Variants in SEMA3D observed in about 807,000 individuals in gnomAD.
SEMA3D encodes the protein semaphorin 3D, also known as semaphorin-3D.
SEMA3D carries 84 observed loss-of-function variants against 100.1 expected under a neutral mutation model. The observed-to-expected ratio is 0.84, with a 90% CI of 0.70 to 1.01. The LOEUF is 1.01. SEMA3D is among the 50% of genes least tolerant of loss of function. SEMA3D has a pLI of 0.00. For synonymous variants in SEMA3D, 312 were observed against 320.7 expected, an observed-to-expected ratio of 0.97 and a Z score of 0.29; for missense variants, 875 against 934.1, an observed-to-expected ratio of 0.94 and a Z score of 0.82.
At chr7:85,059,922 G>T (rs1791427248) in intron 8 of SEMA3D, among the ~76,000 whole-genome samples, 1 of 152,180 alleles carries the variant, frequency 6.6e-6, no homozygotes, top group South Asian at 2.1e-4. Flanking sequence ...TCATCCAAGT[G>T]TTGACAGGTA....
intron 3 of SEMA3D, among the ~76,000 whole-genome samples, chr7:85,120,359 C>G (rs1386456558): frequency 6.6e-6 from 1 of 151,928 alleles, no homozygotes; most frequent in East Asian, 1.9e-4. Context: ...GGAAGACATT[C>G]AAATACAGGT....
chr7:85,059,649 G>A (rs990388244), intron 8 of SEMA3D, among the ~76,000 whole-genome samples: 5 of 152,126 alleles, frequency 3.3e-5, no homozygotes, highest in African/African-American at 7.2e-5. Flanking sequence ...ATTCGAAACC[G>A]AAAAGCAGAA....
chr7:85,189,747 T>G (rs1791654260), upstream of SEMA3D, among the ~76,000 whole-genome samples: 1 of 152,176 alleles, frequency 6.6e-6, no homozygotes, highest in South Asian at 2.1e-4. Context: ...GCCTTGAGAA[T>G]CTAGGCTATT....
At chr7:85,168,995 T>C (rs903838920) in intron 1 of SEMA3D, among the ~76,000 whole-genome samples, 28 of 151,674 alleles carry the variant, frequency 1.8e-4, no homozygotes, top group Non-Finnish European at 3.1e-4. Flanking sequence ...AGACAATATC[T>C]CAGTTTGCTT....
chr7:85,043,882 T>A (rs552066438), intron 9 of SEMA3D, among the ~76,000 whole-genome samples: 4 of 152,228 alleles, frequency 2.6e-5, no homozygotes, highest in African/African-American at 9.6e-5. Context: ...CCTATTTTTT[T>A]TAATAAATTC....
chr7:85,145,899 T>C (rs1434160860), intron 2 of SEMA3D, among the ~76,000 whole-genome samples: 1 of 152,166 alleles, frequency 6.6e-6, no homozygotes, highest in African/African-American at 2.4e-5. Flanking sequence ...AAACTTTAAA[T>C]CATATCCAGA....
chr7:85,169,380 A>G (rs1397060844), intron 1 of SEMA3D, among the ~76,000 whole-genome samples: 1 of 151,860 alleles, frequency 6.6e-6, no homozygotes, highest in Non-Finnish European at 1.5e-5. Context: ...TCTGAACACT[A>G]ACAGGTTGTC....
the SEMA3D span, among the ~76,000 whole-genome samples, chr7:85,248,390 A>G: frequency 1.3e-5 from 2 of 152,206 alleles, no homozygotes; most frequent in Non-Finnish European, 2.9e-5. Context: ...GGAAATTGGC[A>G]TGATCACTTT....
intron 1 of SEMA3D, among the ~76,000 whole-genome samples, chr7:85,169,613 T>C (rs1025604839): frequency 1.3e-5 from 2 of 151,824 alleles, no homozygotes; most frequent in South Asian, 2.1e-4. Flanking sequence ...ATATCTTTGA[T>C]TGAGAAAAGG....
At chr7:85,098,382 C>A (rs570351441) in intron 3 of SEMA3D, among the ~76,000 whole-genome samples, 9 of 151,894 alleles carry the variant, frequency 5.9e-5, no homozygotes, top group Non-Finnish European at 8.8e-5. Context: ...CCTGTGTTCA[C>A]ATTCTTAAAT....
In SEMA3D at chr7:85,081,547, T is replaced by A; in HGVS notation, c.345A>T (p.Glu115Asp). Reference sequence around the variant, plus strand: ...CATCTTTCCCAGCTAATTTACATAATTCCACCCGTTCCTTTGCAGCAGGCC... The same window carrying A: ...CATCTTTCCCAGCTAATTTACATAAATCCACCCGTTCCTTTGCAGCAGGCC... ...IYWPAAKERV[E>D]LCKLAGKDAN... is the part of the protein sequence containing the mutation. Residue 115 changes from glutamate (E) to aspartate (D), a missense_variant, in exon 5 of 19, where the codon GAA (glutamate) becomes GAT (aspartate). Transcript: ENST00000284136. 1 of 1,612,156 alleles carries A rather than the reference T, an allele frequency of 6.2e-7. No individual in the cohort carries two copies. Among genetic ancestry groups the A allele is most frequent in the Non-Finnish European group, 8.5e-7 (1 of 1,178,424 alleles).
chr7:85,010,122 A>G (rs57531424), intron 17 of SEMA3D, among the ~76,000 whole-genome samples: 42,326 of 151,658 alleles, frequency 0.28, 6,196 homozygotes, highest in Non-Finnish European at 0.33. Context: ...TCTGAAAAAC[A>G]AGTTCCTCAG....
At chr7:85,172,848 C>A in intron 1 of SEMA3D, among the ~76,000 whole-genome samples, 1 of 152,062 alleles carries the variant, frequency 6.6e-6, no homozygotes, top group Admixed American at 6.6e-5. Context: ...GTTCCAGATC[C>A]TTGAGTGAGT....
At chr7:85,192,115 T>C in the SEMA3D span, among the ~76,000 whole-genome samples, 1 of 152,176 alleles carries the variant, frequency 6.6e-6, no homozygotes, top group South Asian at 2.1e-4. Context: ...GAAATTAGGA[T>C]GTAAAAAGTG....
chr7:85,096,115 T>A (rs1446277378), intron 4 of SEMA3D, among the ~76,000 whole-genome samples: 1 of 151,960 alleles, frequency 6.6e-6, no homozygotes, highest in Non-Finnish European at 1.5e-5. Context: ...CTATGCAGCA[T>A]CTCTTAAAGC....
chr7:85,001,210 A>C (rs1046174179), intron 18 of SEMA3D, among the ~76,000 whole-genome samples: 2 of 152,166 alleles, frequency 1.3e-5, no homozygotes, highest in African/African-American at 4.8e-5. Flanking sequence ...CACAGCTCAG[A>C]TCCCTGGTTA....
At chr7:85,008,734 G>C (rs2115760204) in intron 17 of SEMA3D, among the ~76,000 whole-genome samples, 1 of 151,804 alleles carries the variant, frequency 6.6e-6, no homozygotes, top group East Asian at 2.0e-4. Context: ...TTGCTTATTG[G>C]TAACATATAA....
At chr7:85,121,111 G>T (rs1789400556) in intron 3 of SEMA3D, among the ~76,000 whole-genome samples, 1 of 152,090 alleles carries the variant, frequency 6.6e-6, no homozygotes, top group African/African-American at 2.4e-5. Flanking sequence ...ATGAAGCCCG[G>T]AGTACATCAA....
the SEMA3D span, among the ~76,000 whole-genome samples, chr7:85,245,459 C>G: frequency 3.3e-5 from 5 of 152,268 alleles, no homozygotes; most frequent in East Asian, 9.7e-4. Flanking sequence ...ATTCTAAAAG[C>G]TTTACTCAGC....
Sources: gnomAD v4.1 joint callset for allele counts (sites outside exome capture counted in the v4.1 genomes callset) on GRCh38, gnomAD v4.1.1 for gene constraint, MANE v1.5 for transcripts, NCBI Gene and HGNC (gene_info 2026-07-23, HGNC 2026-07-21) for gene names.